Variants in RFX3 observed in about 807,000 individuals in gnomAD.
RFX3 encodes transcription factor RFX3.
Under a neutral mutation model 98.6 loss-of-function variants are expected in RFX3, and 14 were observed. The observed-to-expected ratio is 0.14, with a 90% CI of 0.09 to 0.22. RFX3 has a LOEUF of 0.22. RFX3 is among the 10% of genes least tolerant of loss of function. The pLI is 1.00. For synonymous variants in RFX3, 383 were observed against 328.4 expected, an observed-to-expected ratio of 1.17 and a Z score of -1.80; for missense variants, 639 against 926.9, an observed-to-expected ratio of 0.69 and a Z score of 4.03.
At chr9:3,424,728 A>G (rs1449978848) in intron 1 of RFX3, among the ~76,000 whole-genome samples, 1 of 152,154 alleles carries the variant, frequency 6.6e-6, no homozygotes, top group Non-Finnish European at 1.5e-5. Context: ...GAAATGGCAA[A>G]TACAAGCTAT....
At chr9:3,414,809 T>TGA (rs1842796124) in intron 1 of RFX3, among the ~76,000 whole-genome samples, 1 of 72,484 alleles carries the variant, frequency 1.4e-5, no homozygotes, top group African/African-American at 3.8e-5. Context: ...TGAGTATATA[T>TGA]GTATATATGA....
intron 2 of RFX3, among the ~76,000 whole-genome samples, chr9:3,390,171 T>A (rs1435760317): frequency 6.6e-6 from 1 of 152,142 alleles, no homozygotes; most frequent in Non-Finnish European, 1.5e-5. Context: ...GAATTATAAC[T>A]CCCACAATTC....
chr9:3,481,521 A>T, intron 1 of RFX3, among the ~76,000 whole-genome samples: 1 of 152,110 alleles, frequency 6.6e-6, no homozygotes, highest in East Asian at 1.9e-4. Flanking sequence ...CTATCTAATG[A>T]ATTATTTTGA....
chr9:3,441,755 A>G (rs1470442096), intron 1 of RFX3, among the ~76,000 whole-genome samples: 2 of 152,188 alleles, frequency 1.3e-5, no homozygotes, highest in African/African-American at 4.8e-5. Flanking sequence ...TTTTTATAGA[A>G]GAATTTCAAA....
chr9:3,458,676 G>C (rs941893019), intron 1 of RFX3, among the ~76,000 whole-genome samples: 2 of 152,216 alleles, frequency 1.3e-5, no homozygotes, highest in African/African-American at 4.8e-5. Flanking sequence ...GTTTGGCACA[G>C]TGTAAAGAAT....
intron 1 of RFX3, 77 bp downstream of exon 1, chr9:3,525,668 AAC>A: frequency 1.9e-5 from 3 of 157,278 alleles, no homozygotes; most frequent in Non-Finnish European, 4.1e-5. Flanking sequence ...CGCACACACG[AAC>A]ACACACACGC....
chr9:3,265,906 A>T (rs1823573089), intron 12 of RFX3, among the ~76,000 whole-genome samples: 1 of 152,108 alleles, frequency 6.6e-6, no homozygotes, highest in South Asian at 2.1e-4. Flanking sequence ...TTTATAGTTT[A>T]TATCTTTCTC....
At chr9:3,281,690 C>T (rs1420798485) in intron 7 of RFX3, among the ~76,000 whole-genome samples, 1 of 151,764 alleles carries the variant, frequency 6.6e-6, no homozygotes, top group African/African-American at 2.4e-5. Context: ...TAATAGCTGA[C>T]TGTATGCATA....
intron 7 of RFX3, among the ~76,000 whole-genome samples, chr9:3,281,876 T>C (rs1825955322): frequency 1.3e-5 from 2 of 151,920 alleles, no homozygotes; most frequent in African/African-American, 4.8e-5. Flanking sequence ...GAATGGTATA[T>C]ATTTACCATT....
At chr9:3,391,446 C>G (rs947759409) in intron 2 of RFX3, among the ~76,000 whole-genome samples, 5 of 152,148 alleles carry the variant, frequency 3.3e-5, no homozygotes, top group African/African-American at 4.8e-5. Context: ...AAATAAAACA[C>G]TTTGTTGACA....
chr9:3,339,043 C>T (rs563265717), intron 3 of RFX3, among the ~76,000 whole-genome samples: 11 of 151,996 alleles, frequency 7.2e-5, no homozygotes, highest in South Asian at 2.1e-4. Context: ...GAGCCGAGAT[C>T]GCACCACTGC....
intron 1 of RFX3, among the ~76,000 whole-genome samples, chr9:3,505,271 T>TTA (rs1302473638): frequency 2.7e-5 from 2 of 75,274 alleles, no homozygotes; most frequent in African/African-American, 1.7e-4. Flanking sequence ...TTTATATATA[T>TTA]ATGAATATAT....
chr9:3,438,473 A>G (rs1352532951), intron 1 of RFX3, among the ~76,000 whole-genome samples: 1 of 152,058 alleles, frequency 6.6e-6, no homozygotes, highest in African/African-American at 2.4e-5. Context: ...AAAGAAAAAG[A>G]AAGAACAGAT....
In RFX3 at chr9:3,221,509, G is replaced by C. The variant is rs895027180; in HGVS notation, c.*3533C>G. 5 of 152,158 alleles carry C rather than the reference G, an allele frequency of 3.3e-5. No individual in the cohort carries two copies. Among genetic ancestry groups the C allele is most frequent in the African/African-American group, 1.2e-4 (5 of 41,458 alleles). 9.4% of individuals were successfully genotyped at this position (152,158 alleles called of 1,614,324 possible). A position where few individuals can be genotyped will look rare whatever the true frequency, so the allele number is the denominator to read the frequency against. On this transcript the variant is annotated 3_prime_UTR_variant, in exon 17 of 17. Coordinates refer to ENST00000617270, the MANE Select transcript of RFX3 (RefSeq NM_001282116.2). Reference sequence around the variant, plus strand: ...GTTTTTAAAGTACACCATCTAAAGAGAGGTGCATAAACCGTGCTATACAGT... The same window carrying C: ...GTTTTTAAAGTACACCATCTAAAGACAGGTGCATAAACCGTGCTATACAGT...
At chr9:3,486,473 T>C (rs1018001127) in intron 1 of RFX3, among the ~76,000 whole-genome samples, 1 of 152,222 alleles carries the variant, frequency 6.6e-6, no homozygotes, top group Admixed American at 6.5e-5. Flanking sequence ...ATAGTTTCCA[T>C]GGCTCCAATC....
At chr9:3,503,116 CTT>C (rs1816225618) in intron 1 of RFX3, among the ~76,000 whole-genome samples, 1 of 152,028 alleles carries the variant, frequency 6.6e-6, no homozygotes, top group African/African-American at 2.4e-5. Context: ...TAATTTTTTA[CTT>C]TTTTAATGTC....
chr9:3,307,627 T>C (rs1829480826), intron 4 of RFX3, among the ~76,000 whole-genome samples: 1 of 152,192 alleles, frequency 6.6e-6, no homozygotes. Flanking sequence ...TGGCCTTTAT[T>C]TCATCACTAT....
At chr9:3,458,786 G>A (rs1195104766) in intron 1 of RFX3, among the ~76,000 whole-genome samples, 1 of 152,068 alleles carries the variant, frequency 6.6e-6, no homozygotes, top group East Asian at 1.9e-4. Context: ...TGTAAGAAAA[G>A]GCTAAGTATA....
Position 3,433,799 on chromosome 9 carries a change from G to C in RFX3, c.-8-38203C>G, listed in dbSNP as rs114506213. On this transcript the variant is annotated intron_variant, in intron 1 of 16. Transcript: ENST00000617270. ...AAGGGTGGGACACTAAGTCTGTAAA[G>C]GGCCAAGTAGTAAATATTTTAGGCT... Among the ~76,000 whole-genome samples the C allele has an allele frequency of 9.9e-3, 1,513 of 152,264 alleles. 31 individuals are homozygous for C. Among genetic ancestry groups the C allele is most frequent in the African/African-American group, 0.035 (1,452 of 41,564 alleles).
Sources: gnomAD v4.1 joint callset for allele counts (sites outside exome capture counted in the v4.1 genomes callset) on GRCh38, gnomAD v4.1.1 for gene constraint, MANE v1.5 for transcripts, NCBI Gene and HGNC (gene_info 2026-07-23, HGNC 2026-07-21) for gene names.